ADAMTS3: variants seen among roughly 807,000 people sequenced by gnomAD.
ADAMTS3 encodes the protein A disintegrin and metalloproteinase with thrombospondin motifs 3.
A neutral mutation model predicts 129.0 loss-of-function variants in ADAMTS3; 73 were observed. That is an observed-to-expected ratio of 0.57 (90% CI 0.47 to 0.69). The LOEUF (loss-of-function observed/expected upper bound fraction) is 0.69, where lower values mean the gene tolerates loss of function less well. ADAMTS3 is among the 30% of genes least tolerant of loss of function. The probability of loss-of-function intolerance (pLI) is 0.00; values close to 1 mark genes in which losing one functional copy is unlikely to be tolerated. For synonymous variants in ADAMTS3, 477 were observed against 510.8 expected, an observed-to-expected ratio of 0.93 and a Z score of 0.89; for missense variants, 1,457 against 1,514.5, an observed-to-expected ratio of 0.96 and a Z score of 0.63.
chr4:72,389,911 TAATGATAAGGAGAGAGAGAAGGAA>T (rs142486540), intron 4 of ADAMTS3, among the ~76,000 whole-genome samples: 96,878 of 151,814 alleles, frequency 0.64, 37,055 homozygotes, highest in Non-Finnish European at 0.87. Context: ...TATATTTTTC[TAATGATAAGGAGAGAGAGAAGGAA>T]AAGAAGAGAT....
intron 3 of ADAMTS3, among the ~76,000 whole-genome samples, chr4:72,494,236 C>G (rs1021628114): frequency 1.3e-5 from 2 of 152,126 alleles, no homozygotes; most frequent in African/African-American, 2.4e-5. Flanking sequence ...GATGATGCAT[C>G]ATGAGTCTCA....
intron 3 of ADAMTS3, among the ~76,000 whole-genome samples, chr4:72,415,833 C>T (rs372316622): frequency 6.6e-6 from 1 of 151,932 alleles, no homozygotes; most frequent in Non-Finnish European, 1.5e-5. Flanking sequence ...AGTTGTGGCT[C>T]GTGTTTCTAC....
intron 2 of ADAMTS3, among the ~76,000 whole-genome samples, chr4:72,563,678 T>A (rs112237330): frequency 1.1e-3 from 162 of 152,290 alleles, no homozygotes; most frequent in African/African-American, 3.5e-3. Flanking sequence ...AATAATTAAT[T>A]GTATAGCCAT....
intron 3 of ADAMTS3, among the ~76,000 whole-genome samples, chr4:72,520,867 T>G (rs1720651279): frequency 6.6e-6 from 1 of 152,112 alleles, no homozygotes; most frequent in Admixed American, 6.5e-5. Context: ...GCCCACTGTT[T>G]GGCACTGCCT....
intron 3 of ADAMTS3, among the ~76,000 whole-genome samples, chr4:72,536,347 A>G (rs895948841): frequency 5.3e-5 from 8 of 152,196 alleles, no homozygotes; most frequent in African/African-American, 1.9e-4. Context: ...TTAAAATTAC[A>G]AGGATTTTCA....
chr4:72,477,715 GAC>G (rs1719282047), intron 3 of ADAMTS3, among the ~76,000 whole-genome samples: 1 of 152,008 alleles, frequency 6.6e-6, no homozygotes, highest in Non-Finnish European at 1.5e-5. Flanking sequence ...AGGAAATAGA[GAC>G]ACAAAAAACC....
At chr4:72,341,653 T>C (rs1175481581) in intron 4 of ADAMTS3, among the ~76,000 whole-genome samples, 1 of 152,180 alleles carries the variant, frequency 6.6e-6, no homozygotes, top group Non-Finnish European at 1.5e-5. Flanking sequence ...GCAATGTTAT[T>C]ATATCATGAA....
chr4:72,548,381 G>A (rs1721519700), intron 3 of ADAMTS3, 97 bp downstream of exon 3: 1 of 1,268,658 alleles, frequency 7.9e-7, no homozygotes, highest in African/African-American at 1.5e-5. Context: ...ACATAACAAT[G>A]AAGCCTCCTT....
chr4:72,300,627 G>C (rs781670337), intron 17 of ADAMTS3, among the ~76,000 whole-genome samples: 9 of 152,074 alleles, frequency 5.9e-5, no homozygotes, highest in Non-Finnish European at 7.4e-5. Flanking sequence ...CTAACAAATA[G>C]TGCTAAAACA....
At chr4:72,440,789 AAAT>A (rs1265465820) in intron 3 of ADAMTS3, among the ~76,000 whole-genome samples, 1 of 151,798 alleles carries the variant, frequency 6.6e-6, no homozygotes, top group African/African-American at 2.4e-5. Context: ...TCCATAATCA[AAAT>A]AATTTCAATA....
intron 3 of ADAMTS3, among the ~76,000 whole-genome samples, chr4:72,493,139 T>C (rs1195711342): frequency 6.6e-6 from 1 of 151,958 alleles, no homozygotes; most frequent in African/African-American, 2.4e-5. Context: ...AGACAACATA[T>C]CACCAAATTT....
At chr4:72,298,609 G>A (rs1271267604) in intron 17 of ADAMTS3, among the ~76,000 whole-genome samples, 167 bp from the exon 18 acceptor site, 2 of 151,946 alleles carry the variant, frequency 1.3e-5, no homozygotes, top group African/African-American at 4.8e-5. Context: ...AATGTGCCCT[G>A]TTTAAGAAAA....
intron 3 of ADAMTS3, among the ~76,000 whole-genome samples, chr4:72,506,832 C>T (rs1244663447): frequency 4.6e-5 from 7 of 152,186 alleles, no homozygotes; most frequent in Non-Finnish European, 8.8e-5. Context: ...CACATTTTCC[C>T]CCACCAGGAT....
chr4:72,377,150 C>T (rs1721155518), intron 4 of ADAMTS3, among the ~76,000 whole-genome samples: 1 of 152,154 alleles, frequency 6.6e-6, no homozygotes, highest in South Asian at 2.1e-4. Flanking sequence ...GGAACCACCA[C>T]CACCCTGCTT....
intron 3 of ADAMTS3, among the ~76,000 whole-genome samples, chr4:72,481,600 A>T (rs1051229371): frequency 1.3e-5 from 2 of 152,154 alleles, no homozygotes; most frequent in African/African-American, 2.4e-5. Context: ...ACTTTTAGAA[A>T]AAAACATAGG....
intron 3 of ADAMTS3, among the ~76,000 whole-genome samples, chr4:72,515,364 C>T (rs964988754): frequency 7.9e-5 from 12 of 151,628 alleles, no homozygotes; most frequent in African/African-American, 2.9e-4. Context: ...AATGGGATGG[C>T]TGGGTCAAAT....
At chr4:72,504,900 T>C (rs958574169) in intron 3 of ADAMTS3, among the ~76,000 whole-genome samples, 1 of 152,224 alleles carries the variant, frequency 6.6e-6, no homozygotes, top group Admixed American at 6.5e-5. Context: ...GGTGAGGTTT[T>C]CAATTCCAGA....
At chr4:72,490,178 C>T (rs552126670) in intron 3 of ADAMTS3, among the ~76,000 whole-genome samples, 1 of 151,932 alleles carries the variant, frequency 6.6e-6, no homozygotes, top group South Asian at 2.1e-4. Context: ...AATGTCTATT[C>T]GGATCTTTGC....
chr4:72,318,596 A>G lies in ADAMTS3; in HGVS notation c.1461T>C (p.Gly487=), dbSNP rs1241679702. Residue 487 remains glycine, a synonymous_variant, in exon 10 of 22, where the codon GGT becomes GGC. Transcript: ENST00000286657. ...CCGCGGTGCACATTTTATAGCCAAC[A>G]CCAAAATCAAAACGACATTGCTCAT... is the stretch of plus-strand genomic sequence containing the variant. The part of the protein sequence containing the change: ...SMDEQCRFDF[G]VGYKMCTAFR... 2.5e-6 allele frequency: 4 copies of G among 1,613,682 alleles called. No homozygotes were observed. Among genetic ancestry groups the G allele is most frequent in the South Asian group, 2.2e-5 (2 of 91,058 alleles).
Sources: gnomAD v4.1 joint callset for allele counts (sites outside exome capture counted in the v4.1 genomes callset) on GRCh38, gnomAD v4.1.1 for gene constraint, MANE v1.5 for transcripts, NCBI Gene and HGNC (gene_info 2026-07-23, HGNC 2026-07-21) for gene names.